Variants in STAT4 observed in about 807,000 individuals in gnomAD.
STAT4 encodes signal transducer and activator of transcription 4.
In STAT4, 42 loss-of-function variants were observed where a neutral mutation model predicts 110.5. That is an observed-to-expected ratio of 0.38 (90% CI 0.30 to 0.49). The LOEUF (loss-of-function observed/expected upper bound fraction) is 0.49, where lower values mean the gene tolerates loss of function less well. Among genes scored for constraint, STAT4 ranks in the 20% least tolerant of loss-of-function variants. STAT4 has a pLI of 0.95. For missense variants in STAT4, 632 were observed against 887.9 expected, an observed-to-expected ratio of 0.71 and a Z score of 3.66; for synonymous variants, 284 against 302.2, an observed-to-expected ratio of 0.94 and a Z score of 0.63.
chr2:191,070,922 C>A (rs192268397), intron 5 of STAT4, among the ~76,000 whole-genome samples: 2 of 152,034 alleles, frequency 1.3e-5, no homozygotes, highest in African/African-American at 4.8e-5. Context: ...TACATTAGTT[C>A]GACTGCTTAA....
chr2:191,146,576 T>C lies in STAT4; in HGVS notation c.273+37A>G, dbSNP rs1453300311. 3 of 1,425,720 alleles carry C rather than the reference T, an allele frequency of 2.1e-6. No individual in the cohort carries two copies. The highest frequency in any genetic ancestry group is 2.6e-5 in the Admixed American group (1 of 37,872). 88.3% of individuals were successfully genotyped at this position (1,425,720 alleles called of 1,614,324 possible). A position where few individuals can be genotyped will look rare whatever the true frequency, so the allele number is the denominator to read the frequency against. ...TTTTTAACTAAATTTAAGACTCATA[T>C]ATCCAAATATTTTGGAAAAGTAGAA... On this transcript the variant is annotated intron_variant, in intron 3 of 23. Transcript: ENST00000392320. The surrounding 1 kb of genome is among the most constrained non-coding windows in gnomAD (Gnocchi z 4.5).
In STAT4 at chr2:191,083,580, T is replaced by C. The variant is rs1697547124; in HGVS notation, c.274-7255A>G. On this transcript the variant is annotated intron_variant, in intron 3 of 23. Transcript: ENST00000392320. This position sits in a 1 kb window ranked among gnomAD's most constrained non-coding sequence, Gnocchi z 4.6. The stretch of plus-strand genomic sequence containing the variant: ...TACTTCTCTCAAATGTAGATATTTA[T>C]TCTTTGTGGTATCTCTGGGATATGA... Among the ~76,000 whole-genome samples, 1 of 152,218 alleles carries C rather than the reference T, an allele frequency of 6.6e-6. No homozygotes were observed.
intron 3 of STAT4, among the ~76,000 whole-genome samples, chr2:191,115,698 T>C (rs1222751283): frequency 1.3e-5 from 2 of 152,200 alleles, no homozygotes; most frequent in East Asian, 3.9e-4. Flanking sequence ...TTGTTTCCAA[T>C]GAGAATCTTA....
rs534303611 is a variant in STAT4 at position 191,136,820 on chromosome 2, C to T, written c.273+9793G>A. On this transcript the variant is annotated intron_variant, in intron 3 of 23. Transcript: ENST00000392320. ...TTATACTAGAAAATCCTAAAGAGTC[C>T]ACCAAAAATCTCCTAGGTCTGATAA... is the stretch of plus-strand genomic sequence containing the variant. Among the ~76,000 whole-genome samples, 193 of 152,062 alleles carry T rather than the reference C, an allele frequency of 1.3e-3. 5 individuals are homozygous for T. The highest frequency in any genetic ancestry group is 4.3e-4 in the Non-Finnish European group (29 of 67,984).
intron 8 of STAT4, among the ~76,000 whole-genome samples, chr2:191,063,495 G>A (rs1031687245): frequency 2.0e-5 from 3 of 152,224 alleles, no homozygotes; most frequent in Middle Eastern, 6.8e-3. Context: ...TTCACTATGT[G>A]GTGATCTCAC....
At chr2:191,125,476 T>TTTATTATTATTATTTTTA (rs1553515787) in intron 3 of STAT4, among the ~76,000 whole-genome samples, 1 of 138,002 alleles carries the variant, frequency 7.2e-6, no homozygotes, top group Non-Finnish European at 1.5e-5. Context: ...ATCCTCATTA[T>TTTATTATTATTATTTTTA]TTATTATTAT....
At position 191,061,888 on chromosome 2, in the gene STAT4, AG is replaced by A; in HGVS notation, c.942-68del. 6.8e-7 allele frequency: 1 copy of A among 1,472,966 alleles called. No homozygotes were observed. The highest frequency in any genetic ancestry group is 9.4e-7 in the Non-Finnish European group (1 of 1,060,102). The allele number at this position is 1,472,966 out of a possible 1,614,324, so 91.2% of individuals were successfully genotyped here. A position where few individuals can be genotyped will look rare whatever the true frequency, so the allele number is the denominator to read the frequency against. ...AAAATATTGAGACTGAAAACCACAG[AG>A]GAACAGGATGCTATCCACTCAAAGT... On this transcript the variant is annotated intron_variant, in intron 9 of 23. Transcript: ENST00000392320. The surrounding 1 kb of genome is among the most constrained non-coding windows in gnomAD (Gnocchi z 6.2).
intron 3 of STAT4, among the ~76,000 whole-genome samples, chr2:191,111,725 G>C (rs1354124801): frequency 6.6e-6 from 1 of 152,148 alleles, no homozygotes; most frequent in Non-Finnish European, 1.5e-5. Flanking sequence ...AACCAGGAAT[G>C]GTGGTGCTCG....
Position 191,066,733 on chromosome 2 carries a change from G to A in STAT4, c.545-218C>T, listed in dbSNP as rs1696998273. 6.6e-6 allele frequency among the ~76,000 whole-genome samples: 1 copy of A among 152,162 alleles called. No individual in the cohort carries two copies. Among genetic ancestry groups the A allele is most frequent in the African/African-American group, 2.4e-5 (1 of 41,452 alleles). On this transcript the variant is annotated intron_variant, in intron 6 of 23. Coordinates refer to ENST00000392320, the MANE Select transcript of STAT4 (RefSeq NM_003151.4). This position sits in a 1 kb window ranked among gnomAD's most constrained non-coding sequence, Gnocchi z 4.3. ...AGGACCTCTTTATTTTAGAGCTTCA[G>A]GAAAAACCATTCTGCACTGGGTGTT...
In STAT4 at chr2:191,082,863, T is replaced by C. The variant is rs2125287925; in HGVS notation, c.274-6538A>G. On this transcript the variant is annotated intron_variant, in intron 3 of 23. Transcript: ENST00000392320. The surrounding 1 kb of genome is among the most constrained non-coding windows in gnomAD (Gnocchi z 4.7). Reference sequence around the variant, plus strand: ...AACTTCACAATTAGGAATTCACTCCTCTGAGTTCTTTTCCCAGTGGCCCTC... The same window carrying C: ...AACTTCACAATTAGGAATTCACTCCCCTGAGTTCTTTTCCCAGTGGCCCTC... 6.6e-6 allele frequency among the ~76,000 whole-genome samples: 1 copy of C among 152,322 alleles called. No homozygotes were observed. The highest frequency in any genetic ancestry group is 1.5e-5 in the Non-Finnish European group (1 of 68,028).
At chr2:191,054,359 A>G (rs1322055656) in intron 14 of STAT4, 131 bp downstream of exon 14, 2 of 733,426 alleles carry the variant, frequency 2.7e-6, no homozygotes, top group East Asian at 2.7e-5. Flanking sequence ...GCAATTATCA[A>G]GCTTTACATC....
At chr2:191,148,590 T>C (rs1699514770) in intron 1 of STAT4, among the ~76,000 whole-genome samples, 2 of 152,224 alleles carry the variant, frequency 1.3e-5, no homozygotes, top group Admixed American at 6.5e-5. Flanking sequence ...GTATTTGACA[T>C]TTACTATACC....
At chr2:191,137,726 C>T (rs1487912005) in intron 3 of STAT4, among the ~76,000 whole-genome samples, 1 of 152,044 alleles carries the variant, frequency 6.6e-6, no homozygotes, top group Non-Finnish European at 1.5e-5. Context: ...TATTTACAGC[C>T]AACTAATTTT....
rs1035042537 is a variant in STAT4 at position 191,135,534 on chromosome 2, C to T, written c.273+11079G>A. ...TGTCGCCCAGGCTGGAGTGCAGTGG[C>T]GTGATCTCAGCTCACTGCAACCTCC... is the stretch of plus-strand genomic sequence containing the variant. On this transcript the variant is annotated intron_variant, in intron 3 of 23. Coordinates refer to ENST00000392320, the MANE Select transcript of STAT4 (RefSeq NM_003151.4). The surrounding 1 kb of genome is among the most constrained non-coding windows in gnomAD (Gnocchi z 4.8). Among the ~76,000 whole-genome samples, 6 of 152,096 alleles carry T rather than the reference C, an allele frequency of 3.9e-5. No homozygotes were observed. The highest frequency in any genetic ancestry group is 2.1e-4 in the South Asian group (1 of 4,828).
intron 4 of STAT4, among the ~76,000 whole-genome samples, chr2:191,073,906 T>C (rs1016925440): frequency 6.6e-6 from 1 of 152,180 alleles, no homozygotes; most frequent in East Asian, 1.9e-4. Context: ...TTACAGATAA[T>C]TTGATGATTT....
rs749994944 is a variant in STAT4 at position 191,036,218 on chromosome 2, C to T, written c.1516G>A (p.Val506Ile). ...EVMSWQFSSY[V>I]GRGLNSDQLH... ...TGATCTGAGTTAAGACCACGACCAA[C>T]GTACGATGAAAACTGCCAGCTCATC... Residue 506 changes from valine (V) to isoleucine (I), a missense_variant, in exon 17 of 24, where the codon GTT (valine) becomes ATT (isoleucine). Around this residue, in one of 4 missense-constraint regions of STAT4, gnomAD observed 488 missense variants for 632.8 expected, o/e 0.77. Coordinates refer to ENST00000392320, the MANE Select transcript of STAT4 (RefSeq NM_003151.4). 9.3e-6 allele frequency: 15 copies of T among 1,614,012 alleles called. No homozygotes were observed. The highest frequency in any genetic ancestry group is 2.7e-5 in the African/African-American group (2 of 74,902).
In STAT4 at chr2:191,086,166, A is replaced by G. The variant is rs1407566766; in HGVS notation, c.274-9841T>C. ...CAACGATATTTTCAGATATGAACAG[A>G]TGGCTTTGAGGAATTGGGATTGATG... On this transcript the variant is annotated intron_variant, in intron 3 of 23. Transcript: ENST00000392320. The surrounding 1 kb of genome is among the most constrained non-coding windows in gnomAD (Gnocchi z 5.5). Among the ~76,000 whole-genome samples the G allele has an allele frequency of 2.0e-5, 3 of 152,198 alleles. No individual in the cohort carries two copies. Among genetic ancestry groups the G allele is most frequent in the Admixed American group, 2.0e-4 (3 of 15,270 alleles).
chr2:191,055,737 G>A (rs1297601132), intron 13 of STAT4, among the ~76,000 whole-genome samples: 1 of 152,210 alleles, frequency 6.6e-6, no homozygotes, highest in African/African-American at 2.4e-5. Context: ...CTTTGCAAGA[G>A]CAAAAGACCA....
At chr2:191,078,597 A>C (rs1697377930) in intron 3 of STAT4, among the ~76,000 whole-genome samples, 1 of 152,148 alleles carries the variant, frequency 6.6e-6, no homozygotes, top group Admixed American at 6.5e-5. Context: ...AGACATACTC[A>C]TATTTACCTT....
Sources: allele counts gnomAD v4.1 joint callset (sites outside exome capture counted in the v4.1 genomes callset), GRCh38; gene constraint gnomAD v4.1.1; regional missense constraint gnomAD v4.1.1; non-coding constraint Gnocchi (gnomAD v3.1); transcripts MANE v1.5; gene names NCBI Gene and HGNC (gene_info 2026-07-23, HGNC 2026-07-21).